Variants in KIAA1217 observed in about 807,000 individuals in gnomAD.
KIAA1217 encodes the protein sickle tail protein homolog.
Under a neutral mutation model 163.9 loss-of-function variants are expected in KIAA1217, and 88 were observed. That is an observed-to-expected ratio of 0.54 (90% CI 0.45 to 0.64). The LOEUF (loss-of-function observed/expected upper bound fraction) is 0.64. KIAA1217 is among the 30% of genes least tolerant of loss of function. The pLI, the probability that KIAA1217 is intolerant of heterozygous loss-of-function variation, is 0.00. For synonymous variants in KIAA1217, 903 were observed against 923.1 expected (o/e 0.98, Z 0.39); for missense variants, 2,372 against 2,475.0 (o/e 0.96, Z 0.88).
intron 1 of KIAA1217, among the ~76,000 whole-genome samples, chr10:23,859,657 T>G (rs1839864610): frequency 6.6e-6 from 1 of 152,206 alleles, no homozygotes; most frequent in African/African-American, 2.4e-5. Flanking sequence ...ACTTTGTTAC[T>G]TTTGGCCATG....
At chr10:24,229,447 G>C (rs1271683076) in intron 2 of KIAA1217, among the ~76,000 whole-genome samples, 1 of 152,180 alleles carries the variant, frequency 6.6e-6, no homozygotes, top group African/African-American at 2.4e-5. Flanking sequence ...AGTAGAAGCA[G>C]CTACTTAGTT....
At chr10:24,455,834 G>T (rs55995320) in intron 5 of KIAA1217, among the ~76,000 whole-genome samples, 1 of 152,170 alleles carries the variant, frequency 6.6e-6, no homozygotes, top group African/African-American at 2.4e-5. Flanking sequence ...TTTACATATA[G>T]CCTGATCTGG....
At chr10:23,727,834 T>A (rs540062806) in intron 1 of KIAA1217, among the ~76,000 whole-genome samples, 1 of 152,238 alleles carries the variant, frequency 6.6e-6, no homozygotes, top group Non-Finnish European at 1.5e-5. Context: ...TGTGTGATGT[T>A]CCCCTCTCTG....
At chr10:24,272,303 A>T (rs193056057) in intron 2 of KIAA1217, among the ~76,000 whole-genome samples, 1 of 152,330 alleles carries the variant, frequency 6.6e-6, no homozygotes, top group African/African-American at 2.4e-5. Flanking sequence ...GCTTGAATCT[A>T]GATTAGTTCT....
At chr10:24,249,249 TAAAC>T (rs2074203999) in intron 2 of KIAA1217, among the ~76,000 whole-genome samples, 1 of 152,160 alleles carries the variant, frequency 6.6e-6, no homozygotes, top group African/African-American at 2.4e-5. Context: ...AAATGTAAAA[TAAAC>T]GTCCCCTAAT....
At chr10:24,432,361 G>T (rs1169537138) in intron 3 of KIAA1217, among the ~76,000 whole-genome samples, 3 of 151,626 alleles carry the variant, frequency 2.0e-5, no homozygotes, top group Non-Finnish European at 2.9e-5. Flanking sequence ...TAAGTGATTC[G>T]CCTGCCTCAG....
At chr10:24,328,648 A>G (rs1459321142) in intron 2 of KIAA1217, among the ~76,000 whole-genome samples, 1 of 152,084 alleles carries the variant, frequency 6.6e-6, no homozygotes, top group Non-Finnish European at 1.5e-5. Flanking sequence ...AATTTTCAGG[A>G]CTGGGTTCTT....
chr10:24,004,287 T>C (rs577245571), intron 1 of KIAA1217, among the ~76,000 whole-genome samples: 1 of 150,210 alleles, frequency 6.7e-6, no homozygotes, highest in South Asian at 2.1e-4. Flanking sequence ...GAGGGCTTTT[T>C]ATTTTATTCA....
intron 2 of KIAA1217, chr10:24,158,451 A>G (rs2064977617): frequency 1.8e-6 from 1 of 555,538 alleles, no homozygotes; most frequent in African/African-American, 1.9e-5. Context: ...CTAACACAGG[A>G]AATTGAATGT....
chr10:23,906,600 G>A lies in KIAA1217; in HGVS notation c.-320-100625G>A, dbSNP rs1842172777. Among the ~76,000 whole-genome samples the A allele has an allele frequency of 2.0e-5, 3 of 152,188 alleles. No homozygotes were observed. In the South Asian group the frequency reaches 6.2e-4, roughly 32 times the overall value. ...GAACTGTGTCTAGGAAAATAGTTCT[G>A]GATAAACTACTTAAGAAAGTTGAAT... On this transcript the variant is annotated intron_variant, in intron 1 of 18. Coordinates refer to the KIAA1217 transcript ENST00000376462.
chr10:24,528,086 G>A lies in KIAA1217; in HGVS notation c.3049G>A (p.Gly1017Arg), dbSNP rs1369884995. 1.9e-6 allele frequency: 3 copies of A among 1,614,088 alleles called. No homozygotes were observed. The highest frequency in any genetic ancestry group is 2.2e-5 in the East Asian group (1 of 44,880). Reference sequence around the variant, plus strand: ...GCCAGCCACAGGCCCACTGCCAAGGGGAGATGCCCCAGTGGACAAGGTGGA... The same window carrying A: ...GCCAGCCACAGGCCCACTGCCAAGGAGAGATGCCCCAGTGGACAAGGTGGA... ...MPPATGPLPR[G>R]DAPVDKVELS... Residue 1017 changes from glycine to arginine, a missense_variant, in exon 14 of 21, where the codon GGA (glycine) becomes AGA (arginine). This residue lies in a region of KIAA1217 where 1,431 missense variants were observed against 1,470.3 expected (regional missense o/e 0.97). Transcript: ENST00000376454.
Position 24,114,405 on chromosome 10 carries a change from A to G in KIAA1217, c.-170-105221A>G, listed in dbSNP as rs530730646. Among the ~76,000 whole-genome samples the G allele has an allele frequency of 5.3e-5, 8 of 152,276 alleles. No individual in the cohort carries two copies. The South Asian group carries it at 1.5e-3, about 28-fold the overall frequency. ...CTGACTGAGTCTATCTACTGTATCC[A>G]CCCAAGTGATAATTTTTTGCAGAGC... On this transcript the variant is annotated intron_variant, in intron 2 of 18. Transcript: ENST00000376462.
intron 2 of KIAA1217, among the ~76,000 whole-genome samples, chr10:24,102,611 G>C (rs919885524): frequency 6.6e-6 from 1 of 152,156 alleles, no homozygotes; most frequent in Non-Finnish European, 1.5e-5. Flanking sequence ...GAACAAAGTC[G>C]AAGGACTGAC....
chr10:24,533,331 G>A, intron 16 of KIAA1217, 94 bp downstream of exon 16: 8 of 1,254,586 alleles, frequency 6.4e-6, no homozygotes, highest in Non-Finnish European at 8.8e-6. Flanking sequence ...GAAGGCCAGG[G>A]AAGCGCATGG....
chr10:23,860,352 C>G (rs192967079), intron 1 of KIAA1217, among the ~76,000 whole-genome samples: 1 of 152,090 alleles, frequency 6.6e-6, no homozygotes, highest in Admixed American at 6.5e-5. Flanking sequence ...TTGCTTCTAA[C>G]CTACTTGGAA....
intron 2 of KIAA1217, among the ~76,000 whole-genome samples, chr10:24,375,123 G>C (rs773837381): frequency 1.3e-5 from 2 of 152,152 alleles, no homozygotes; most frequent in Non-Finnish European, 2.9e-5. Context: ...CTGGCTGTTG[G>C]TCACAGGACT....
chr10:24,490,829 G>A (rs1474336422), intron 6 of KIAA1217, among the ~76,000 whole-genome samples: 2 of 152,240 alleles, frequency 1.3e-5, no homozygotes, highest in Non-Finnish European at 2.9e-5. Context: ...CTGATGCAGC[G>A]TGTCTCTTTC....
intron 1 of KIAA1217, among the ~76,000 whole-genome samples, chr10:23,913,616 A>T (rs953697605): frequency 6.6e-6 from 1 of 152,072 alleles, no homozygotes; most frequent in African/African-American, 2.4e-5. Flanking sequence ...AGGCTACAGA[A>T]TATCCTGGGT....
chr10:24,091,224 A>T (rs2061927302), intron 2 of KIAA1217, among the ~76,000 whole-genome samples: 2 of 151,906 alleles, frequency 1.3e-5, no homozygotes, highest in Non-Finnish European at 2.9e-5. Flanking sequence ...TACAGATCAG[A>T]GTGATCAGCT....
Sources: allele counts gnomAD v4.1 joint callset (sites outside exome capture counted in the v4.1 genomes callset), GRCh38; gene constraint gnomAD v4.1.1; regional missense constraint gnomAD v4.1.1; transcripts MANE v1.5; gene names NCBI Gene and HGNC (gene_info 2026-07-23, HGNC 2026-07-21).